CFAP299: variants seen among roughly 807,000 people sequenced by gnomAD.
The protein encoded by CFAP299 is cilia- and flagella-associated protein 299.
CFAP299 carries 21 observed loss-of-function variants against 27.0 expected under a neutral mutation model. The observed-to-expected ratio is 0.78, with a 90% CI of 0.55 to 1.12. CFAP299 has a LOEUF of 1.12. Among genes scored for constraint, CFAP299 ranks in the 50% most tolerant of loss-of-function variants. The probability of loss-of-function intolerance (pLI) is 0.00; values close to 1 mark genes in which losing one functional copy is unlikely to be tolerated. For synonymous variants in CFAP299, 104 were observed against 98.1 expected (o/e 1.06, Z -0.36); for missense variants, 310 against 276.6 (o/e 1.12, Z -0.86).
chr4:80,369,201 T>C (rs978339487), intron 2 of CFAP299, among the ~76,000 whole-genome samples: 3 of 152,218 alleles, frequency 2.0e-5, no homozygotes, highest in African/African-American at 7.2e-5. Flanking sequence ...TCCTCACAGC[T>C]GGCAGAAATT....
At chr4:80,488,884 G>C (rs142050300) in intron 2 of CFAP299, among the ~76,000 whole-genome samples, 1 of 152,158 alleles carries the variant, frequency 6.6e-6, no homozygotes, top group Non-Finnish European at 1.5e-5. Context: ...AAAAACGTTT[G>C]TGTCTCCCAG....
At chr4:80,648,120 A>G (rs1043619292) in intron 3 of CFAP299, among the ~76,000 whole-genome samples, 1 of 152,196 alleles carries the variant, frequency 6.6e-6, no homozygotes, top group African/African-American at 2.4e-5. Flanking sequence ...TTTGGCTAAA[A>G]TTATGGTTAA....
intron 1 of CFAP299, among the ~76,000 whole-genome samples, chr4:80,355,202 TTAG>T (rs1723208631): frequency 6.6e-6 from 1 of 152,142 alleles, no homozygotes; most frequent in Admixed American, 6.5e-5. Context: ...TTTTGACTTT[TTAG>T]TAGTAGCCAT....
At chr4:80,611,573 A>G (rs1737980874) in intron 3 of CFAP299, among the ~76,000 whole-genome samples, 1 of 152,050 alleles carries the variant, frequency 6.6e-6, no homozygotes, top group Non-Finnish European at 1.5e-5. Flanking sequence ...CATTTTATTT[A>G]CATAGAGAAC....
chr4:80,753,570 A>T (rs978215072), intron 3 of CFAP299, among the ~76,000 whole-genome samples: 2 of 152,040 alleles, frequency 1.3e-5, no homozygotes, highest in African/African-American at 4.8e-5. Flanking sequence ...TATTTCTTCA[A>T]ATATTTCTAC....
intron 2 of CFAP299, among the ~76,000 whole-genome samples, chr4:80,396,326 T>C (rs911608611): frequency 6.6e-6 from 1 of 152,186 alleles, no homozygotes; most frequent in Middle Eastern, 3.4e-3. Context: ...TTCTTCCAGT[T>C]TTTTTATGAG....
chr4:80,791,484 T>C (rs1200873124), intron 3 of CFAP299, among the ~76,000 whole-genome samples: 2 of 152,076 alleles, frequency 1.3e-5, no homozygotes, highest in Non-Finnish European at 1.5e-5. Flanking sequence ...TAATAAGGTA[T>C]ATTAGCAATT....
rs139983879 is a variant in CFAP299, at chr4:80,695,992, T to C, written c.333+112809T>C. The stretch of plus-strand genomic sequence containing the variant: ...ACTATCTTGGGGATAAAGCCTGTCA[T>C]ATATAGAATTTTTAAAAGAGAAGTA... On this transcript the variant is annotated intron_variant, in intron 3 of 5. Coordinates refer to ENST00000358105, the MANE Select transcript of CFAP299 (RefSeq NM_152770.3). Among the ~76,000 whole-genome samples the C allele has an allele frequency of 5.5e-3, 839 of 152,144 alleles. 7 individuals are homozygous for C. Among genetic ancestry groups the C allele is most frequent in the African/African-American group, 0.019 (782 of 41,524 alleles).
At chr4:80,664,005 T>G (rs1577990555) in intron 3 of CFAP299, among the ~76,000 whole-genome samples, 1 of 152,338 alleles carries the variant, frequency 6.6e-6, no homozygotes, top group African/African-American at 2.4e-5. Flanking sequence ...CATAAATTTG[T>G]TTAAGTTCCT....
chr4:80,820,529 G>A (rs1042575635), intron 3 of CFAP299, among the ~76,000 whole-genome samples: 5 of 151,118 alleles, frequency 3.3e-5, no homozygotes, highest in East Asian at 2.0e-4. Context: ...TTGCTGGAGC[G>A]TAGTGGGGCA....
intron 2 of CFAP299, among the ~76,000 whole-genome samples, chr4:80,425,334 T>C (rs1727483705): frequency 6.6e-6 from 1 of 152,226 alleles, no homozygotes; most frequent in African/African-American, 2.4e-5. Context: ...ACAAGCCACA[T>C]GGAACAAATT....
chr4:80,360,455 C>T (rs1723486462), intron 1 of CFAP299, among the ~76,000 whole-genome samples: 1 of 152,212 alleles, frequency 6.6e-6, no homozygotes, highest in Non-Finnish European at 1.5e-5. Flanking sequence ...AACACACCCA[C>T]ACACGTCAGG....
chr4:80,800,442 A>G (rs1578138632), intron 3 of CFAP299, among the ~76,000 whole-genome samples: 1 of 58,880 alleles, frequency 1.7e-5, no homozygotes, highest in Admixed American at 3.4e-4. Context: ...TATATAATAT[A>G]TTGATATATT....
At chr4:80,911,734 C>A (rs2110203905) in intron 4 of CFAP299, among the ~76,000 whole-genome samples, 1 of 152,232 alleles carries the variant, frequency 6.6e-6, no homozygotes, top group East Asian at 1.9e-4. Flanking sequence ...ATCAGAATCA[C>A]TTCTGTCAGC....
At chr4:80,919,377 G>A (rs1046227593) in intron 4 of CFAP299, among the ~76,000 whole-genome samples, 2 of 152,106 alleles carry the variant, frequency 1.3e-5, no homozygotes, top group African/African-American at 4.8e-5. Flanking sequence ...AGAAGTTCAA[G>A]GATTTAGCCT....
intron 3 of CFAP299, among the ~76,000 whole-genome samples, chr4:80,782,869 G>A (rs995895523): frequency 6.6e-6 from 1 of 150,974 alleles, no homozygotes; most frequent in Non-Finnish European, 1.5e-5. Context: ...CCATATCCCA[G>A]TTCCTAAAAT....
rs138044489 is a variant in CFAP299 at position 80,338,092 on chromosome 4, CCT to C, written c.111+2227_111+2228del. On this transcript the variant is annotated intron_variant, in intron 1 of 5. Transcript: ENST00000358105. Reference sequence around the variant, plus strand: ...TAAGTGAGCTGATACTTGTGCTTTTCCTCTCTCTCTCTCTCACACACATCATC... The same window carrying C: ...TAAGTGAGCTGATACTTGTGCTTTTCCTCTCTCTCTCTCACACACATCATC... Among the ~76,000 whole-genome samples the C allele has an allele frequency of 2.7e-3, 413 of 150,844 alleles. 4 individuals are homozygous for C. Among genetic ancestry groups the C allele is most frequent in the African/African-American group, 9.1e-3 (374 of 41,200 alleles).
chr4:80,869,022 T>C (rs1413832261), intron 3 of CFAP299, among the ~76,000 whole-genome samples: 4 of 151,704 alleles, frequency 2.6e-5, no homozygotes, highest in Non-Finnish European at 5.9e-5. Context: ...GGAATGAATA[T>C]GAAATTATGA....
chr4:80,564,964 T>C (rs1439470408), intron 2 of CFAP299, among the ~76,000 whole-genome samples: 5 of 151,762 alleles, frequency 3.3e-5, no homozygotes, highest in Non-Finnish European at 7.4e-5. Context: ...AAGTGAAAAA[T>C]CTCTATAACG....
Sources: gnomAD v4.1 joint callset for allele counts (sites outside exome capture counted in the v4.1 genomes callset) on GRCh38, gnomAD v4.1.1 for gene constraint, MANE v1.5 for transcripts, NCBI Gene and HGNC (gene_info 2026-07-23, HGNC 2026-07-21) for gene names.